ZSCAN22: variants seen among roughly 807,000 people sequenced by gnomAD.
ZSCAN22 encodes zinc finger and SCAN domain-containing protein 22.
ZSCAN22 carries 7 observed loss-of-function variants against 12.4 expected under a neutral mutation model. The ratio of observed to expected loss-of-function variants is 0.57; its 90% CI spans 0.32 to 1.06. The LOEUF (loss-of-function observed/expected upper bound fraction) is 1.06, where lower values mean the gene tolerates loss of function less well. ZSCAN22 is among the 50% of genes least tolerant of loss of function. The probability of loss-of-function intolerance (pLI) is 0.04; values close to 1 mark genes in which losing one functional copy is unlikely to be tolerated. For missense variants in ZSCAN22, 576 were observed against 631.7 expected, an observed-to-expected ratio of 0.91 and a Z score of 0.94; for synonymous variants, 243 against 255.9, an observed-to-expected ratio of 0.95 and a Z score of 0.48.
rs760926419 is a variant in ZSCAN22, at chr19:58,338,861, C to G, written c.1011C>G (p.Thr337=). ...KECGKAFSRV[T]HLTQHQRIHT... is the part of the protein sequence containing the mutation. ...GTGGGAAGGCCTTCAGCCGAGTCAC[C>G]CACCTGACTCAGCACCAAAGGATTC... The change falls in exon 3 of 3, where the codon ACC becomes ACG. Residue 337 remains threonine (T), a synonymous_variant. Transcript: ENST00000329665. This position sits in a 1 kb window ranked among gnomAD's most constrained non-coding sequence, Gnocchi z 5.4. 6.2e-7 allele frequency: 1 copy of G among 1,613,260 alleles called. No homozygotes were observed. Among genetic ancestry groups the G allele is most frequent in the Admixed American group, 1.7e-5 (1 of 59,950 alleles).
rs561266749 is a variant in ZSCAN22, at chr19:58,330,006, C to G, written c.-52+2892C>G. On this transcript the variant is annotated intron_variant, in intron 1 of 2. Coordinates refer to ENST00000329665, the MANE Select transcript of ZSCAN22 (RefSeq NM_181846.3). The stretch of plus-strand genomic sequence containing the variant: ...TAAAAAGTTAAGCATTGCCTACATG[C>G]GGCCAGGCGCAGTGGCTCATGCCTG... 1.4e-4 allele frequency among the ~76,000 whole-genome samples: 22 copies of G among 152,230 alleles called. No homozygotes were observed. In the East Asian group the frequency reaches 3.5e-3, roughly 24 times the overall value.
In ZSCAN22 at chr19:58,341,459, T is replaced by G. The variant is rs894851780; in HGVS notation, c.*2133T>G. The G allele has an allele frequency of 1.3e-5, 2 of 152,262 alleles. No homozygotes were observed. Among genetic ancestry groups the G allele is most frequent in the Non-Finnish European group, 2.9e-5 (2 of 68,056 alleles). 9.4% of individuals were successfully genotyped at this position (152,262 alleles called of 1,614,324 possible). A position where few individuals can be genotyped will look rare whatever the true frequency, so the allele number is the denominator to read the frequency against. On this transcript the variant is annotated 3_prime_UTR_variant, in exon 3 of 3. Transcript: ENST00000329665. ...CTCATCATATGTGAACCATTTGACC[T>G]GGCGTATTGTGTACTAGTCACCGTC...
Position 58,338,859 on chromosome 19 carries a change from AC to A in ZSCAN22, c.1012del (p.His338ThrfsTer2). The part of the protein sequence containing the change: ...KECGKAFSRV[T>X]HLTQHQRIHT... ...ATGTGGGAAGGCCTTCAGCCGAGTC[AC>A]CCACCTGACTCAGCACCAAAGGATT... On this transcript the variant is annotated frameshift_variant, in exon 3 of 3. Coordinates refer to ENST00000329665, the MANE Select transcript of ZSCAN22 (RefSeq NM_181846.3). LOFTEE classifies it low-confidence loss of function (END_TRUNC). The surrounding 1 kb of genome is among the most constrained non-coding windows in gnomAD (Gnocchi z 5.4). 7 of 1,613,490 alleles carry A rather than the reference AC, an allele frequency of 4.3e-6. No homozygotes were observed. Among genetic ancestry groups the A allele is most frequent in the Non-Finnish European group, 5.9e-6 (7 of 1,179,780 alleles).
chr19:58,338,189 C>T lies in ZSCAN22; in HGVS notation c.404-65C>T. On this transcript the variant is annotated intron_variant, in intron 2 of 2. Transcript: ENST00000329665. This position sits in a 1 kb window ranked among gnomAD's most constrained non-coding sequence, Gnocchi z 5.4. ...TCCCCTTACAAAGTGTGACCGGGGC[C>T]CTCGGCAGAGTAGGGGAGGCTTGGT... 1 of 1,443,334 alleles carries T rather than the reference C, an allele frequency of 6.9e-7. No homozygotes were observed. Among genetic ancestry groups the T allele is most frequent in the East Asian group, 2.3e-5 (1 of 43,496 alleles). The allele number at this position is 1,443,334 out of a possible 1,614,324, so 89.4% of individuals were successfully genotyped here.
chr19:58,338,765 C>T lies in ZSCAN22; in HGVS notation c.915C>T (p.Phe305=). 6.2e-7 allele frequency: 1 copy of T among 1,614,218 alleles called. No homozygotes were observed. Among genetic ancestry groups the T allele is most frequent in the African/African-American group, 1.3e-5 (1 of 75,060 alleles). ...PYACSECGKA[F]SRSTHLAQHQ... Reference sequence around the variant, plus strand: ...CCTGCAGCGAGTGTGGGAAAGCCTTCAGCCGGAGCACTCACCTCGCCCAGC... The same window carrying T: ...CCTGCAGCGAGTGTGGGAAAGCCTTTAGCCGGAGCACTCACCTCGCCCAGC... The change falls in exon 3 of 3, where the codon TTC becomes TTT. Residue 305 remains phenylalanine, a synonymous_variant. Transcript: ENST00000329665. This position sits in a 1 kb window ranked among gnomAD's most constrained non-coding sequence, Gnocchi z 5.4.
In ZSCAN22 at chr19:58,334,861, A is replaced by C; in HGVS notation, c.59A>C (p.Gln20Pro). The change falls in exon 2 of 3, where the codon CAA (glutamine) becomes CCA (proline). Residue 20 changes from glutamine to proline, a missense_variant. Gln to Pro is a moderately conservative substitution (Grantham distance 76). Transcript: ENST00000329665. ...PVPWEEDSFL[Q>P]VKVEEEEEAS... ...CCGTGGGAAGAGGACAGCTTCCTTCAAGTGAAGGTGGAGGAGGAAGAGGAA... is the reference window on the plus strand; with the variant it reads ...CCGTGGGAAGAGGACAGCTTCCTTCCAGTGAAGGTGGAGGAGGAAGAGGAA... The C allele has an allele frequency of 6.2e-7, 1 of 1,613,770 alleles. No homozygotes were observed. The highest frequency in any genetic ancestry group is 1.3e-5 in the African/African-American group (1 of 75,034).
At position 58,338,900 on chromosome 19, in the gene ZSCAN22, A is replaced by G. The variant is rs780907984; in HGVS notation, c.1050A>G (p.Lys350=). 3 of 1,612,844 alleles carry G rather than the reference A, an allele frequency of 1.9e-6. No individual in the cohort carries two copies. The Admixed American group carries it at 5.0e-5, about 27-fold the overall frequency. ...ACCAAAGGATTCATACTGGAGAGAA[A>G]CCCTACAAATGTGGGGAATGTGGTA... The part of the protein sequence containing the change: ...TQHQRIHTGE[K]PYKCGECGKT... The change falls in exon 3 of 3, where the codon AAA becomes AAG. Residue 350 remains lysine (K), a synonymous_variant. Coordinates refer to ENST00000329665, the MANE Select transcript of ZSCAN22 (RefSeq NM_181846.3). This position sits in a 1 kb window ranked among gnomAD's most constrained non-coding sequence, Gnocchi z 5.4.
chr19:58,328,084 CA>C (rs1039102233), intron 1 of ZSCAN22, among the ~76,000 whole-genome samples: 1 of 152,322 alleles, frequency 6.6e-6, no homozygotes, highest in African/African-American at 2.4e-5. Flanking sequence ...CTCCTGACCT[CA>C]GGTGATCCAC....
In ZSCAN22 at chr19:58,329,479, A is replaced by G. The variant is rs2051697386; in HGVS notation, c.-52+2365A>G. ...AAGGAGTAGTATGTGGCCAAAGCAA[A>G]GTGTCGAGGTCTCCTAGGAGAGGTT... On this transcript the variant is annotated intron_variant, in intron 1 of 2. Coordinates refer to ENST00000329665, the MANE Select transcript of ZSCAN22 (RefSeq NM_181846.3). The surrounding 1 kb of genome is among the most constrained non-coding windows in gnomAD (Gnocchi z 4.1). Among the ~76,000 whole-genome samples the G allele has an allele frequency of 6.6e-6, 1 of 152,242 alleles. No individual in the cohort carries two copies. Among genetic ancestry groups the G allele is most frequent in the South Asian group, 2.1e-4 (1 of 4,834 alleles).
chr19:58,330,495 T>C (rs59874238), intron 1 of ZSCAN22, among the ~76,000 whole-genome samples: 14,195 of 152,216 alleles, frequency 0.093, 1,016 homozygotes, highest in African/African-American at 0.18. Context: ...TACATGAAAG[T>C]AGTTTTTTGC....
intron 1 of ZSCAN22, among the ~76,000 whole-genome samples, chr19:58,333,589 A>G (rs536133565): frequency 2.2e-4 from 33 of 152,346 alleles, no homozygotes; most frequent in African/African-American, 7.7e-4. Flanking sequence ...CATGCTTGTA[A>G]TCCCAGCACT....
At position 58,341,560 on chromosome 19, in the gene ZSCAN22, C is replaced by T. The variant is rs1195731747; in HGVS notation, c.*2234C>T. 6.6e-6 allele frequency: 1 copy of T among 152,188 alleles called. No individual in the cohort carries two copies. Among genetic ancestry groups the T allele is most frequent in the East Asian group, 1.9e-4 (1 of 5,198 alleles). The allele number at this position is 152,188 out of a possible 1,614,324, so 9.4% of individuals were successfully genotyped here. A position where few individuals can be genotyped will look rare whatever the true frequency, so the allele number is the denominator to read the frequency against. The stretch of plus-strand genomic sequence containing the variant: ...TCAAGAGTAAATAGAGGCACAGAGA[C>T]TGATGAGAAACGTTCATAACATGAA... On this transcript the variant is annotated 3_prime_UTR_variant, in exon 3 of 3. Coordinates refer to ENST00000329665, the MANE Select transcript of ZSCAN22 (RefSeq NM_181846.3).
chr19:58,340,291 C>T lies in ZSCAN22; in HGVS notation c.*965C>T, dbSNP rs1440134377. 6.6e-6 allele frequency: 1 copy of T among 152,202 alleles called. No individual in the cohort carries two copies. Among genetic ancestry groups the T allele is most frequent in the Non-Finnish European group, 1.5e-5 (1 of 68,086 alleles). 9.4% of individuals were successfully genotyped at this position (152,202 alleles called of 1,614,324 possible). On this transcript the variant is annotated 3_prime_UTR_variant, in exon 3 of 3. Transcript: ENST00000329665. ...CAACCTCTCCAGTTATCCTCATATG[C>T]ATGTATGAATACTGTCATTTTTCTG...
At position 58,339,507 on chromosome 19, in the gene ZSCAN22, G is replaced by A. The variant is rs1262497411; in HGVS notation, c.*181G>A. The A allele has an allele frequency of 9.8e-6, 6 of 613,130 alleles. No homozygotes were observed. Among genetic ancestry groups the A allele is most frequent in the Non-Finnish European group, 1.4e-5 (5 of 355,100 alleles). The allele number at this position is 613,130 out of a possible 1,614,324, so 38.0% of individuals were successfully genotyped here. On this transcript the variant is annotated 3_prime_UTR_variant, in exon 3 of 3. Coordinates refer to ENST00000329665, the MANE Select transcript of ZSCAN22 (RefSeq NM_181846.3). This position sits in a 1 kb window ranked among gnomAD's most constrained non-coding sequence, Gnocchi z 5.6. ...CACTCTGCATTTGAGGAACCCTGAT[G>A]AGCACAAGGTGATTCAGGCCAGCTG...
chr19:58,334,655 C>A, intron 1 of ZSCAN22, 97 bp from the exon 2 acceptor site: 1 of 892,308 alleles, frequency 1.1e-6, no homozygotes, highest in Non-Finnish European at 1.7e-6. Context: ...GAGAGTCTTT[C>A]ACATCTCACG....
At position 58,339,378 on chromosome 19, in the gene ZSCAN22, T is replaced by C; in HGVS notation, c.*52T>C. On this transcript the variant is annotated 3_prime_UTR_variant, in exon 3 of 3. Transcript: ENST00000329665. The surrounding 1 kb of genome is among the most constrained non-coding windows in gnomAD (Gnocchi z 5.6). ...ACAGCGTCTTCTCGGAGGCTCGAGG[T>C]CTAAGAGAAACGCTGAGTTCCTGAA... 1 of 1,491,074 alleles carries C rather than the reference T, an allele frequency of 6.7e-7. No individual in the cohort carries two copies. The highest frequency in any genetic ancestry group is 1.3e-5 in the South Asian group (1 of 75,136). The allele number at this position is 1,491,074 out of a possible 1,614,324, so 92.4% of individuals were successfully genotyped here.
At position 58,334,881 on chromosome 19, in the gene ZSCAN22, G is replaced by A; in HGVS notation, c.79G>A (p.Glu27Lys). 1 of 1,613,956 alleles carries A rather than the reference G, an allele frequency of 6.2e-7. No individual in the cohort carries two copies. Among genetic ancestry groups the A allele is most frequent in the African/African-American group, 1.3e-5 (1 of 75,056 alleles). ...SFLQVKVEEE[E>K]EASLSQGGES... ...CCTTCAAGTGAAGGTGGAGGAGGAA[G>A]AGGAAGCCAGCCTCTCCCAGGGCGG... Residue 27 changes from glutamate (E) to lysine (K), a missense_variant, in exon 2 of 3, where the codon GAG becomes AAG. Physicochemically the swap from Glu to Lys is moderately conservative, Grantham distance 56 (BLOSUM62 1). Coordinates refer to ENST00000329665, the MANE Select transcript of ZSCAN22 (RefSeq NM_181846.3).
In ZSCAN22 at chr19:58,335,157, G is replaced by A. The variant is rs1169734859; in HGVS notation, c.355G>A (p.Glu119Lys). The change falls in exon 2 of 3, where the codon GAA (glutamate) becomes AAA (lysine). Residue 119 changes from glutamate (E) to lysine (K), a missense_variant. Physicochemically the swap from Glu to Lys is moderately conservative, Grantham distance 56 (BLOSUM62 1). Transcript: ENST00000329665. This position sits in a 1 kb window ranked among gnomAD's most constrained non-coding sequence, Gnocchi z 4.1. ...AGCCCAGAGTCCCAAGAGCGGAGAG[G>A]AAGCCGCTGTGCTGGTGGAGGATCT... is the stretch of plus-strand genomic sequence containing the variant. ...VGAQSPKSGE[E>K]AAVLVEDLTQ... 2 of 1,612,754 alleles carry A rather than the reference G, an allele frequency of 1.2e-6. No homozygotes were observed. The highest frequency in any genetic ancestry group is 1.7e-6 in the Non-Finnish European group (2 of 1,179,354).
chr19:58,338,530 G>A lies in ZSCAN22; in HGVS notation c.680G>A (p.Arg227Lys), dbSNP rs774236250. ...DQRGRESGAS[R>K]NSSSAWPNLT... ...CGTGGCCGTGAATCTGGTGCCTCGA[G>A]GAACAGTTCTAGTGCGTGGCCAAAC... Residue 227 changes from arginine to lysine, a missense_variant, in exon 3 of 3, where the codon AGG becomes AAG. Coordinates refer to ENST00000329665, the MANE Select transcript of ZSCAN22 (RefSeq NM_181846.3). This position sits in a 1 kb window ranked among gnomAD's most constrained non-coding sequence, Gnocchi z 5.4. 13 of 1,614,230 alleles carry A rather than the reference G, an allele frequency of 8.1e-6. 1 individual carries two copies. In the South Asian group the frequency reaches 1.3e-4, roughly 16 times the overall value.
Sources: gnomAD v4.1 joint callset for allele counts (sites outside exome capture counted in the v4.1 genomes callset) on GRCh38, gnomAD v4.1.1 for gene constraint, Gnocchi (gnomAD v3.1) non-coding constraint, MANE v1.5 for transcripts, NCBI Gene and HGNC (gene_info 2026-07-23, HGNC 2026-07-21) for gene names.